Variants in GBF1 observed in about 807,000 individuals in gnomAD.
GBF1 encodes the protein Golgi-specific brefeldin A-resistance guanine nucleotide exchange factor 1.
GBF1 carries 114 observed loss-of-function variants against 210.5 expected under a neutral mutation model. The ratio of observed to expected loss-of-function variants is 0.54; its 90% CI spans 0.47 to 0.63. The LOEUF is 0.63. GBF1 is among the 30% of genes least tolerant of loss of function. The pLI is 0.00. For missense variants in GBF1, 1,851 were observed against 2,357.7 expected, an observed-to-expected ratio of 0.79 and a Z score of 4.45; for synonymous variants, 850 against 889.2, an observed-to-expected ratio of 0.96 and a Z score of 0.78.
At chr10:102,304,808 G>A (rs2077694359) in intron 3 of GBF1, among the ~76,000 whole-genome samples, 1 of 151,504 alleles carries the variant, frequency 6.6e-6, no homozygotes, top group South Asian at 2.1e-4. Context: ...AAGAAATTAG[G>A]TAAAAGGAAA....
At chr10:102,298,267 C>T (rs1047377035) in intron 3 of GBF1, among the ~76,000 whole-genome samples, 1 of 152,004 alleles carries the variant, frequency 6.6e-6, no homozygotes, top group African/African-American at 2.4e-5. Context: ...TTCTAGATGT[C>T]GACTAGTAAA....
upstream of GBF1, among the ~76,000 whole-genome samples, chr10:102,245,217 C>T (rs2070701556): frequency 6.6e-6 from 1 of 152,142 alleles, no homozygotes; most frequent in African/African-American, 2.4e-5. Flanking sequence ...CCCATAATGC[C>T]CAGCAGCCAC....
rs111970574 is a variant in GBF1, at chr10:102,295,500, A to C, written c.163+35384A>C. Among the ~76,000 whole-genome samples the C allele has an allele frequency of 5.9e-5, 9 of 152,308 alleles. 1 individual carries two copies. The highest frequency in any genetic ancestry group is 1.9e-4 in the African/African-American group (8 of 41,562). ...TATATTAAAGCAATATTACTCTTTT[A>C]GATGTGATGATAATGATATTAAGGT... On this transcript the variant is annotated intron_variant, in intron 3 of 39. Transcript: ENST00000369983.
chr10:102,375,091 T>TTGA (rs781014244), intron 29 of GBF1, among the ~76,000 whole-genome samples: 3 of 151,992 alleles, frequency 2.0e-5, no homozygotes, highest in Non-Finnish European at 4.4e-5. Flanking sequence ...GGAGGATCAC[T>TTGA]TGAGCCCAGG....
At chr10:102,246,293 C>G (rs2070818673) in intron 1 of GBF1, among the ~76,000 whole-genome samples, 1 of 152,116 alleles carries the variant, frequency 6.6e-6, no homozygotes. Flanking sequence ...AGCAGAGGGA[C>G]GTGTGGAAGG....
At chr10:102,287,668 C>T (rs1031794089) in intron 3 of GBF1, among the ~76,000 whole-genome samples, 1 of 152,104 alleles carries the variant, frequency 6.6e-6, no homozygotes, top group East Asian at 1.9e-4. Context: ...CAATGTGGGC[C>T]TCTCAATAGG....
chr10:102,299,906 A>T (rs1202041291), intron 3 of GBF1, among the ~76,000 whole-genome samples: 3 of 152,182 alleles, frequency 2.0e-5, no homozygotes, highest in African/African-American at 7.2e-5. Flanking sequence ...TTATTTTATC[A>T]TTGTTATTAA....
chr10:102,376,744 A>G lies in GBF1; in HGVS notation c.4232A>G (p.Asn1411Ser), dbSNP rs572515175. 6.2e-7 allele frequency: 1 copy of G among 1,611,024 alleles called. No homozygotes were observed. Among genetic ancestry groups the G allele is most frequent in the South Asian group, 1.1e-5 (1 of 91,074 alleles). Reference sequence around the variant, plus strand: ...GATGCTGCCCACATCACACCTGACAACTTTGAGCTCTGCGTCAAGACTCTC... The same window carrying G: ...GATGCTGCCCACATCACACCTGACAGCTTTGAGCTCTGCGTCAAGACTCTC... Reference protein sequence around the residue: ...VRDAAHITPDNFELCVKTLRI... With the variant: ...VRDAAHITPDSFELCVKTLRI... Residue 1411 changes from asparagine (N) to serine (S), a missense_variant, in exon 32 of 40, where the codon AAC becomes AGC. Coordinates refer to ENST00000369983, the MANE Select transcript of GBF1 (RefSeq NM_001377137.1).
chr10:102,264,561 C>G (rs959887204), intron 3 of GBF1, among the ~76,000 whole-genome samples: 1 of 152,166 alleles, frequency 6.6e-6, no homozygotes, highest in African/African-American at 2.4e-5. Flanking sequence ...CCCCTCCCCC[C>G]ACGGAGTGTG....
intron 3 of GBF1, among the ~76,000 whole-genome samples, chr10:102,301,573 TC>T (rs1188984384): frequency 6.6e-6 from 1 of 151,978 alleles, no homozygotes; most frequent in African/African-American, 2.4e-5. Flanking sequence ...GCGGAGGGGC[TC>T]CTCACTTCTC....
At chr10:102,378,199 CAG>C (rs2060625885) in intron 33 of GBF1, among the ~76,000 whole-genome samples, 1 of 139,646 alleles carries the variant, frequency 7.2e-6, no homozygotes, top group African/African-American at 2.7e-5. Flanking sequence ...GCCTGGGCGA[CAG>C]AGCAAGACTC....
chr10:102,247,413 C>T (rs1220729996), intron 1 of GBF1, among the ~76,000 whole-genome samples: 5 of 152,128 alleles, frequency 3.3e-5, no homozygotes, highest in East Asian at 1.9e-4. Flanking sequence ...CCCCTCTCCC[C>T]GCCCCCAAGA....
rs772223092 is a variant in GBF1 at position 102,368,338 on chromosome 10, C to G, written c.2763C>G (p.Ala921=). ...PEGIFLRVPT[A]SYDLDLFTMT... is the part of the protein sequence containing the mutation. ...GCATATTCCTGCGTGTGCCTACTGCCAGCTATGATCTTGACCTCTTCACCA... is the reference window on the plus strand; with the variant it reads ...GCATATTCCTGCGTGTGCCTACTGCGAGCTATGATCTTGACCTCTTCACCA... The change falls in exon 22 of 40, where the codon GCC becomes GCG. Residue 921 remains alanine, a synonymous_variant. Transcript: ENST00000369983. 1.2e-6 allele frequency: 2 copies of G among 1,613,568 alleles called. No homozygotes were observed. Among genetic ancestry groups the G allele is most frequent in the Non-Finnish European group, 1.7e-6 (2 of 1,179,448 alleles).
At chr10:102,336,480 A>C (rs1000487620) in intron 3 of GBF1, among the ~76,000 whole-genome samples, 5 of 152,140 alleles carry the variant, frequency 3.3e-5, no homozygotes, top group Non-Finnish European at 7.4e-5. Context: ...ATAGTGTGTA[A>C]ATTGCTTAAT....
intron 3 of GBF1, among the ~76,000 whole-genome samples, chr10:102,326,349 T>C (rs1056290035): frequency 6.6e-6 from 1 of 152,224 alleles, no homozygotes; most frequent in Non-Finnish European, 1.5e-5. Context: ...AAACCTCATT[T>C]TTCTACAAAG....
intron 1 of GBF1, among the ~76,000 whole-genome samples, chr10:102,247,660 T>A (rs1243997784): frequency 6.6e-6 from 1 of 152,152 alleles, no homozygotes; most frequent in Non-Finnish European, 1.5e-5. Flanking sequence ...TTTTTTTTAA[T>A]CCTAAATGTC....
chr10:102,235,475 G>A, the GBF1 span, among the ~76,000 whole-genome samples: 1 of 152,074 alleles, frequency 6.6e-6, no homozygotes, highest in Non-Finnish European at 1.5e-5. Flanking sequence ...TGTGTCCTCG[G>A]CAAGTTACTT....
chr10:102,255,330 TG>T (rs1349898787), intron 1 of GBF1, among the ~76,000 whole-genome samples: 2 of 152,164 alleles, frequency 1.3e-5, no homozygotes, highest in African/African-American at 4.8e-5. Context: ...CGTGAACCAC[TG>T]CGCCCAGCCC....
rs201158870 is a variant in GBF1, at chr10:102,370,084, G to T, written c.3340-90G>T. ...AAATCATCCAGGATTTGTAACCAGG[G>T]CTGACTCTGCCCTCTCCCCCTGGCT... On this transcript the variant is annotated intron_variant, in intron 26 of 39. Transcript: ENST00000369983. 2.6e-6 allele frequency: 4 copies of T among 1,534,332 alleles called. No homozygotes were observed. The East Asian group carries it at 9.0e-5, about 34-fold the overall frequency.
Sources: allele counts gnomAD v4.1 joint callset (sites outside exome capture counted in the v4.1 genomes callset), GRCh38; gene constraint gnomAD v4.1.1; transcripts MANE v1.5; gene names NCBI Gene and HGNC (gene_info 2026-07-23, HGNC 2026-07-21).